TAFA2: variants seen among roughly 807,000 people sequenced by gnomAD.
TAFA2 encodes TAFA chemokine like family member 2, also known as chemokine-like protein TAFA-2.
A neutral mutation model predicts 18.8 loss-of-function variants in TAFA2; 7 were observed. That is an observed-to-expected ratio of 0.37 (90% CI 0.21 to 0.70). The LOEUF (loss-of-function observed/expected upper bound fraction) is 0.70, where lower values mean the gene tolerates loss of function less well. Ranked by LOEUF, TAFA2 falls within the 30% of genes least tolerant of loss-of-function variation. The probability of loss-of-function intolerance (pLI) is 0.53; values close to 1 mark genes in which losing one functional copy is unlikely to be tolerated. For missense variants in TAFA2, 122 were observed against 158.1 expected, an observed-to-expected ratio of 0.77 and a Z score of 1.23; for synonymous variants, 60 against 54.2, an observed-to-expected ratio of 1.11 and a Z score of -0.47.
intron 2 of TAFA2, among the ~76,000 whole-genome samples, chr12:61,818,624 C>G (rs1872193278): frequency 6.6e-6 from 1 of 152,072 alleles, no homozygotes; most frequent in Non-Finnish European, 1.5e-5. Context: ...CTGGAGCTCT[C>G]CCACGTGATG....
intron 2 of TAFA2, among the ~76,000 whole-genome samples, chr12:61,776,898 T>C (rs926593072): frequency 1.3e-5 from 2 of 151,898 alleles, no homozygotes; most frequent in Non-Finnish European, 2.9e-5. Flanking sequence ...GTTAATCTTG[T>C]CCATAATTAG....
At chr12:62,235,224 A>C in intron 1 of TAFA2, 1 of 661,438 alleles carries the variant, frequency 1.5e-6, no homozygotes, top group South Asian at 1.6e-5. Flanking sequence ...GCAGTAGCTC[A>C]CGCCATGCTC....
chr12:62,226,985 A>C (rs965325927), intron 1 of TAFA2, among the ~76,000 whole-genome samples: 3 of 152,066 alleles, frequency 2.0e-5, no homozygotes, highest in African/African-American at 7.3e-5. Context: ...GTCTATCTGA[A>C]ACCCAGATTT....
At position 62,101,792 on chromosome 12, in the gene TAFA2, T is replaced by C. The variant is rs17125877; in HGVS notation, c.-2+89467A>G. Among the ~76,000 whole-genome samples, 1,090 of 152,236 alleles carry C rather than the reference T, an allele frequency of 7.2e-3. 17 individuals carry two copies. Among genetic ancestry groups the C allele is most frequent in the African/African-American group, 0.025 (1,057 of 41,526 alleles). ...TGGTATAGCACTAGCCAATGGTATA[T>C]TGAAATGAAAGTGTAGCACTAGCCA... On this transcript the variant is annotated intron_variant, in intron 1 of 4. Transcript: ENST00000416284.
intron 4 of TAFA2, among the ~76,000 whole-genome samples, chr12:61,712,846 A>T (rs1869477255): frequency 6.6e-6 from 1 of 151,858 alleles, no homozygotes. Flanking sequence ...GACCAAGAGG[A>T]CACATGGTGA....
intron 1 of TAFA2, among the ~76,000 whole-genome samples, chr12:62,173,886 G>C (rs1461996961): frequency 2.0e-5 from 3 of 152,226 alleles, no homozygotes; most frequent in African/African-American, 7.2e-5. Context: ...TCCAGATGGA[G>C]AGACATAGCG....
At chr12:62,002,827 T>G (rs565887543) in intron 1 of TAFA2, among the ~76,000 whole-genome samples, 1 of 152,260 alleles carries the variant, frequency 6.6e-6, no homozygotes, top group East Asian at 1.9e-4. Flanking sequence ...AAATTTAAAT[T>G]TTATGCATCC....
chr12:61,913,346 A>G (rs1382077994), intron 1 of TAFA2, among the ~76,000 whole-genome samples: 3 of 152,238 alleles, frequency 2.0e-5, no homozygotes, highest in African/African-American at 4.8e-5. Flanking sequence ...TGTATAACAT[A>G]AAGCCTCTAA....
At chr12:62,140,300 T>G (rs2062229173) in intron 1 of TAFA2, 1 of 152,162 alleles carries the variant, frequency 6.6e-6, no homozygotes, top group Non-Finnish European at 1.5e-5. Context: ...TGGTAGACAT[T>G]CAAAGAAGAA....
chr12:61,763,889 T>C (rs1197755836), intron 2 of TAFA2, among the ~76,000 whole-genome samples: 1 of 152,016 alleles, frequency 6.6e-6, no homozygotes, highest in East Asian at 2.0e-4. Context: ...CCTGAAAACA[T>C]TTTCCAGAAT....
At chr12:61,837,760 C>T (rs1004742448) in intron 2 of TAFA2, among the ~76,000 whole-genome samples, 25 of 151,832 alleles carry the variant, frequency 1.6e-4, no homozygotes, top group East Asian at 1.9e-4. Context: ...GGTAGGAGTG[C>T]GGGGAAGAGA....
intron 1 of TAFA2, among the ~76,000 whole-genome samples, chr12:61,946,302 C>A (rs903130772): frequency 1.3e-5 from 2 of 150,394 alleles, no homozygotes; most frequent in African/African-American, 4.9e-5. Context: ...ATATAAAAAT[C>A]AATTCAAGAT....
intron 2 of TAFA2, among the ~76,000 whole-genome samples, chr12:61,764,257 TAGA>T (rs1869692423): frequency 6.6e-6 from 1 of 152,006 alleles, no homozygotes; most frequent in South Asian, 2.1e-4. Context: ...GATAGATAGA[TAGA>T]TTTTTAATGG....
At chr12:61,929,839 G>A (rs1233123524) in intron 1 of TAFA2, among the ~76,000 whole-genome samples, 1 of 152,078 alleles carries the variant, frequency 6.6e-6, no homozygotes, top group African/African-American at 2.4e-5. Context: ...AAAAGGATGA[G>A]TTCATGTCCT....
At chr12:61,799,894 T>A (rs963499275) in intron 2 of TAFA2, among the ~76,000 whole-genome samples, 3 of 152,098 alleles carry the variant, frequency 2.0e-5, no homozygotes, top group Non-Finnish European at 4.4e-5. Context: ...TTTATCCAAG[T>A]GGTGGAATTT....
At chr12:61,885,802 T>C (rs1875349482) in intron 1 of TAFA2, among the ~76,000 whole-genome samples, 1 of 152,210 alleles carries the variant, frequency 6.6e-6, no homozygotes, top group Admixed American at 6.5e-5. Context: ...GACGTGAGTG[T>C]CGGTGTTACA....
At chr12:61,738,513 T>C (rs1393267121) in intron 4 of TAFA2, among the ~76,000 whole-genome samples, 1 of 152,100 alleles carries the variant, frequency 6.6e-6, no homozygotes, top group African/African-American at 2.4e-5. Context: ...CTCCTTCACC[T>C]GGTAGGCCTG....
intron 1 of TAFA2, among the ~76,000 whole-genome samples, chr12:62,072,239 C>T (rs1272208530): frequency 2.6e-5 from 4 of 151,642 alleles, no homozygotes; most frequent in East Asian, 1.9e-4. Context: ...CCGAGGCGGG[C>T]GGATCACAAG....
chr12:62,217,966 G>GTATT (rs68172819), intron 1 of TAFA2, among the ~76,000 whole-genome samples: 5,908 of 127,490 alleles, frequency 0.046, 136 homozygotes, highest in South Asian at 0.051. Context: ...TTTTATGTAT[G>GTATT]TATTTATTTA....
Sources: gnomAD v4.1 joint callset for allele counts (sites outside exome capture counted in the v4.1 genomes callset) on GRCh38, gnomAD v4.1.1 for gene constraint, MANE v1.5 for transcripts, NCBI Gene and HGNC (gene_info 2026-07-23, HGNC 2026-07-21) for gene names.